PPP2R2B: variants seen among roughly 807,000 people sequenced by gnomAD.
PPP2R2B encodes the protein protein phosphatase 2 regulatory subunit Bbeta.
Under a neutral mutation model 46.0 loss-of-function variants are expected in PPP2R2B, and 5 were observed. The observed-to-expected ratio is 0.11, with a 90% CI of 0.06 to 0.23. PPP2R2B has a LOEUF of 0.23. Ranked by LOEUF, PPP2R2B falls within the 10% of genes least tolerant of loss-of-function variation. The pLI is 1.00. For synonymous variants in PPP2R2B, 215 were observed against 206.7 expected, an observed-to-expected ratio of 1.04 and a Z score of -0.34; for missense variants, 367 against 575.0, an observed-to-expected ratio of 0.64 and a Z score of 3.70.
chr5:146,858,401 T>C (rs1373207690), intron 2 of PPP2R2B, among the ~76,000 whole-genome samples: 2 of 152,334 alleles, frequency 1.3e-5, no homozygotes, highest in Admixed American at 6.5e-5. Context: ...GAACTAGCCA[T>C]GTACAAGTAT....
In PPP2R2B at chr5:146,675,440, G is replaced by A. The variant is rs75243703; in HGVS notation, c.447+15688C>T. Among the ~76,000 whole-genome samples, 697 of 152,260 alleles carry A rather than the reference G, an allele frequency of 4.6e-3. 6 individuals carry two copies. Among genetic ancestry groups the A allele is most frequent in the African/African-American group, 0.015 (626 of 41,538 alleles). On this transcript the variant is annotated intron_variant, in intron 5 of 9. Transcript: ENST00000394411. ...GGTATCCTGGACTGTGGGATAGCAGGTTAGTTGCAATTGGTCTGTCTCAGA... is the reference window on the plus strand; with the variant it reads ...GGTATCCTGGACTGTGGGATAGCAGATTAGTTGCAATTGGTCTGTCTCAGA...
chr5:146,688,898 C>T (rs1778665061), intron 5 of PPP2R2B, among the ~76,000 whole-genome samples: 1 of 152,062 alleles, frequency 6.6e-6, no homozygotes, highest in Non-Finnish European at 1.5e-5. Context: ...CTACGTGGCA[C>T]TTAATCCAGT....
intron 5 of PPP2R2B, among the ~76,000 whole-genome samples, chr5:146,667,172 G>A (rs1777034730): frequency 6.6e-6 from 1 of 152,122 alleles, no homozygotes; most frequent in African/African-American, 2.4e-5. Flanking sequence ...GCATGAGGGT[G>A]GGAGAGACCG....
At chr5:146,811,289 C>T (rs1348125087) in intron 2 of PPP2R2B, among the ~76,000 whole-genome samples, 1 of 151,980 alleles carries the variant, frequency 6.6e-6, no homozygotes, top group Non-Finnish European at 1.5e-5. Context: ...TGAGCCACGG[C>T]GTCCAGCCAT....
chr5:146,599,423 A>G (rs1771558176), intron 8 of PPP2R2B, among the ~76,000 whole-genome samples: 1 of 152,224 alleles, frequency 6.6e-6, no homozygotes, highest in Admixed American at 6.5e-5. Flanking sequence ...AGTGAAACAC[A>G]CAGTAAAAAG....
chr5:146,783,847 G>T (rs1005013703), intron 2 of PPP2R2B, among the ~76,000 whole-genome samples: 1 of 152,202 alleles, frequency 6.6e-6, no homozygotes, highest in South Asian at 2.1e-4. Context: ...TCTGATCGGG[G>T]GATAGGAAGA....
chr5:146,650,466 T>C, intron 6 of PPP2R2B, 81 bp downstream of exon 6: 1 of 1,340,258 alleles, frequency 7.5e-7, no homozygotes, highest in East Asian at 2.4e-5. Flanking sequence ...TGCATTTCTA[T>C]TCCATATTTT....
intron 1 of PPP2R2B, among the ~76,000 whole-genome samples, chr5:147,034,899 A>G (rs1206457021): frequency 6.6e-6 from 1 of 152,162 alleles, no homozygotes; most frequent in Non-Finnish European, 1.5e-5. Flanking sequence ...GACTTTGGAT[A>G]ACTGATGACT....
chr5:147,056,679 G>A (rs73793323), upstream of PPP2R2B, among the ~76,000 whole-genome samples: 1,832 of 152,190 alleles, frequency 0.012, 41 homozygotes, highest in African/African-American at 0.041. Context: ...GAGAGAGAGA[G>A]AAAAAGAGAG....
intron 6 of PPP2R2B, among the ~76,000 whole-genome samples, chr5:146,645,651 CG>C (rs1775534608): frequency 6.6e-6 from 1 of 152,140 alleles, no homozygotes; most frequent in East Asian, 1.9e-4. Flanking sequence ...ATTAGGGAAT[CG>C]ACTCTAACAG....
chr5:146,653,558 G>A (rs940383049), intron 5 of PPP2R2B, among the ~76,000 whole-genome samples: 2 of 152,118 alleles, frequency 1.3e-5, no homozygotes, highest in East Asian at 3.9e-4. Flanking sequence ...AAAAGAAATG[G>A]AATCTGCAGG....
intron 9 of PPP2R2B, 124 bp from the exon 10 acceptor site, chr5:146,590,350 G>GAGAAC (rs1472180982): frequency 2.2e-6 from 2 of 902,572 alleles, no homozygotes; most frequent in African/African-American, 3.6e-5. Flanking sequence ...ACCAAAAAAT[G>GAGAAC]AGAACAGGCT....
chr5:146,781,131 G>T (rs1473574599), intron 2 of PPP2R2B, among the ~76,000 whole-genome samples: 8 of 49,460 alleles, frequency 1.6e-4, no homozygotes, highest in East Asian at 4.2e-4. Context: ...ATGCCACCAT[G>T]ATATATATAT....
chr5:146,826,790 G>T (rs1221238008), intron 2 of PPP2R2B, among the ~76,000 whole-genome samples: 1 of 152,052 alleles, frequency 6.6e-6, no homozygotes, highest in Non-Finnish European at 1.5e-5. Context: ...AACATTCACA[G>T]ATGGCTCCAA....
exon 2 of PPP2R2B, chr5:147,081,067 G>A: frequency 6.5e-7 from 1 of 1,535,316 alleles, no homozygotes; most frequent in South Asian, 1.2e-5. Flanking sequence ...ACCTTCTGTG[G>A]TTCCAATCTC....
chr5:146,777,539 T>G (rs1354605881), intron 2 of PPP2R2B, among the ~76,000 whole-genome samples: 1 of 152,126 alleles, frequency 6.6e-6, no homozygotes, highest in Non-Finnish European at 1.5e-5. Flanking sequence ...TTGGAAATAA[T>G]AGTGATAATT....
intron 1 of PPP2R2B, among the ~76,000 whole-genome samples, chr5:146,898,035 A>T (rs889027392): frequency 2.0e-5 from 3 of 152,140 alleles, no homozygotes; most frequent in African/African-American, 4.8e-5. Context: ...AAGTACAAAA[A>T]TTAGCCGGGT....
At chr5:146,863,939 T>C (rs1186036431) in intron 2 of PPP2R2B, among the ~76,000 whole-genome samples, 3 of 152,094 alleles carry the variant, frequency 2.0e-5, no homozygotes, top group African/African-American at 7.2e-5. Flanking sequence ...AATCGCTCAC[T>C]GAAAATATGG....
chr5:146,701,183 C>T (rs1251281840), intron 2 of PPP2R2B, 41 bp from the exon 3 acceptor site: 15 of 1,454,714 alleles, frequency 1.0e-5, no homozygotes, highest in Non-Finnish European at 1.4e-5. Context: ...TAACTGCACA[C>T]TTACTTTGAA....
Sources: allele counts gnomAD v4.1 joint callset (sites outside exome capture counted in the v4.1 genomes callset), GRCh38; gene constraint gnomAD v4.1.1; transcripts MANE v1.5; gene names NCBI Gene and HGNC (gene_info 2026-07-23, HGNC 2026-07-21).